Variants in LAMA3 observed in about 807,000 individuals in gnomAD.
The protein encoded by LAMA3 is laminin subunit alpha-3.
A neutral mutation model predicts 402.0 loss-of-function variants in LAMA3; 281 were observed. The observed-to-expected ratio is 0.70, with a 90% CI of 0.63 to 0.77. The LOEUF (loss-of-function observed/expected upper bound fraction) is 0.77. Among genes scored for constraint, LAMA3 ranks in the 30% least tolerant of loss-of-function variants. The probability of loss-of-function intolerance (pLI) is 0.00; values close to 1 mark genes in which losing one functional copy is unlikely to be tolerated. For synonymous variants in LAMA3, 1,431 were observed against 1,558.4 expected (o/e 0.92, Z 1.93); for missense variants, 3,840 against 4,215.5 (o/e 0.91, Z 2.47).
intron 40 of LAMA3, among the ~76,000 whole-genome samples, chr18:23,882,472 A>G (rs993401609): frequency 6.6e-6 from 1 of 152,066 alleles, no homozygotes; most frequent in African/African-American, 2.4e-5. Flanking sequence ...TCTACTGAAA[A>G]TGCAAAAATT....
At chr18:23,784,303 G>T in intron 12 of LAMA3, 146 bp downstream of exon 12, 1 of 949,852 alleles carries the variant, frequency 1.1e-6, no homozygotes, top group Admixed American at 1.9e-5. Flanking sequence ...ACATGTGATG[G>T]TCCTACCTGG....
At chr18:23,692,494 A>G (rs976746754) in intron 1 of LAMA3, among the ~76,000 whole-genome samples, 19 of 152,152 alleles carry the variant, frequency 1.2e-4, no homozygotes, top group Admixed American at 1.1e-3. Flanking sequence ...CTGGTCTCGA[A>G]CTACTGACTT....
chr18:23,760,255 T>C (rs1446148386), intron 7 of LAMA3, among the ~76,000 whole-genome samples: 4 of 152,176 alleles, frequency 2.6e-5, no homozygotes, highest in African/African-American at 9.7e-5. Flanking sequence ...CAGGATCCAT[T>C]TATTAGGTGC....
At chr18:23,715,577 T>C (rs772841682) in intron 2 of LAMA3, among the ~76,000 whole-genome samples, 31 of 152,178 alleles carry the variant, frequency 2.0e-4, no homozygotes, top group Non-Finnish European at 4.1e-4. Flanking sequence ...AGGAGAATCA[T>C]TGAAAAGCCA....
chr18:23,692,105 A>G (rs2060599913), intron 1 of LAMA3, among the ~76,000 whole-genome samples: 1 of 152,228 alleles, frequency 6.6e-6, no homozygotes, highest in African/African-American at 2.4e-5. Context: ...AAGTGACTGT[A>G]CACGTCTTTT....
rs1234645181 is a variant in LAMA3, at chr18:23,933,789, C to T, written c.8716C>T (p.Leu2906=). 3.7e-6 allele frequency: 6 copies of T among 1,614,026 alleles called. No homozygotes were observed. The highest frequency in any genetic ancestry group is 5.1e-6 in the Non-Finnish European group (6 of 1,180,008). The change falls in exon 67 of 75, where the codon CTG becomes TTG. Residue 2906 remains leucine, a synonymous_variant. Transcript: ENST00000313654. ...ISNVFVQRLS[L]SPEVLDLTSN... is the part of the protein sequence containing the mutation. Reference sequence around the variant, plus strand: ...TTTCTGCTCTTTTTCCAGGTTATCACTGAGTCCTGAAGTCCTAGATTTGAC... The same window carrying T: ...TTTCTGCTCTTTTTCCAGGTTATCATTGAGTCCTGAAGTCCTAGATTTGAC...
intron 29 of LAMA3, among the ~76,000 whole-genome samples, chr18:23,843,760 T>C (rs548925992): frequency 6.6e-6 from 1 of 152,316 alleles, no homozygotes; most frequent in South Asian, 2.1e-4. Context: ...CTAATTCATC[T>C]TTTATCTTTC....
intron 7 of LAMA3, among the ~76,000 whole-genome samples, chr18:23,762,628 G>T (rs901782734): frequency 6.6e-6 from 1 of 151,770 alleles, no homozygotes; most frequent in Non-Finnish European, 1.5e-5. Context: ...GAGGATAGCT[G>T]CCCCGACACA....
At chr18:23,944,184 G>A (rs1380966371) in intron 69 of LAMA3, among the ~76,000 whole-genome samples, 1 of 152,146 alleles carries the variant, frequency 6.6e-6, no homozygotes, top group Admixed American at 6.5e-5. Context: ...GTCAAGATGG[G>A]CTTTACTGAT....
intron 50 of LAMA3, among the ~76,000 whole-genome samples, chr18:23,904,332 T>C (rs2081170355): frequency 6.6e-6 from 1 of 151,560 alleles, no homozygotes; most frequent in Admixed American, 6.6e-5. Context: ...ACTTACCAAA[T>C]GAAATGCGAA....
intron 35 of LAMA3, 140 bp downstream of exon 35, chr18:23,861,947 A>G: frequency 2.1e-6 from 2 of 958,784 alleles, no homozygotes; most frequent in Non-Finnish European, 1.5e-6. Flanking sequence ...ACTAAAAGTG[A>G]GGAAGAGACC....
At chr18:23,806,282 A>G (rs901455256) in intron 12 of LAMA3, among the ~76,000 whole-genome samples, 3 of 152,216 alleles carry the variant, frequency 2.0e-5, no homozygotes, top group African/African-American at 7.2e-5. Context: ...CTATTCTCAC[A>G]GATATTCCTC....
Position 23,907,832 on chromosome 18 carries a change from T to C in LAMA3, c.6912T>C (p.Asp2304=). ...KANDITDEVL[D]GLNPIQTDVE... is the part of the protein sequence containing the mutation. ...ACGACATCACAGATGAGGTTCTGGA[T>C]GGGCTCAACCCCATCCAGACAGATG... is the stretch of plus-strand genomic sequence containing the variant. Residue 2304 remains aspartate (D), a synonymous_variant, in exon 54 of 75, where the codon GAT becomes GAC. Transcript: ENST00000313654. The C allele has an allele frequency of 3.1e-6, 5 of 1,614,190 alleles. No individual in the cohort carries two copies. The highest frequency in any genetic ancestry group is 4.2e-6 in the Non-Finnish European group (5 of 1,180,022).
chr18:23,742,277 G>C (rs768424535), intron 2 of LAMA3, among the ~76,000 whole-genome samples: 37 of 152,206 alleles, frequency 2.4e-4, no homozygotes, highest in Non-Finnish European at 4.4e-4. Context: ...TGTTCAAAAT[G>C]TCAGTGTCAG....
intron 42 of LAMA3, among the ~76,000 whole-genome samples, chr18:23,890,623 G>A (rs909471387): frequency 5.9e-5 from 9 of 152,086 alleles, no homozygotes; most frequent in African/African-American, 2.2e-4. Flanking sequence ...GAGCAACTTG[G>A]AACAAAAAGG....
At chr18:23,856,566 C>T (rs969392026) in intron 32 of LAMA3, among the ~76,000 whole-genome samples, 4 of 152,144 alleles carry the variant, frequency 2.6e-5, no homozygotes, top group African/African-American at 9.7e-5. Flanking sequence ...CAGCCATAGC[C>T]CACTGCTTTT....
At chr18:23,838,560 T>C (rs2063632021) in intron 25 of LAMA3, among the ~76,000 whole-genome samples, 1 of 152,362 alleles carries the variant, frequency 6.6e-6, no homozygotes, top group African/African-American at 2.4e-5. Context: ...ATTTCAGCAG[T>C]AATTCAGTCA....
chr18:23,713,747 C>A (rs939474490), intron 1 of LAMA3, among the ~76,000 whole-genome samples, 173 bp from the exon 2 acceptor site: 2 of 152,080 alleles, frequency 1.3e-5, no homozygotes, highest in Non-Finnish European at 2.9e-5. Context: ...AAAGAGAAAG[C>A]CTTACTACTG....
intron 42 of LAMA3, among the ~76,000 whole-genome samples, chr18:23,890,537 G>C (rs2080623940): frequency 6.6e-6 from 1 of 152,112 alleles, no homozygotes; most frequent in Non-Finnish European, 1.5e-5. Flanking sequence ...CATGTTCTGG[G>C]ATGTGGGTGG....
Sources: gnomAD v4.1 joint callset for allele counts (sites outside exome capture counted in the v4.1 genomes callset) on GRCh38, gnomAD v4.1.1 for gene constraint, MANE v1.5 for transcripts, NCBI Gene and HGNC (gene_info 2026-07-23, HGNC 2026-07-21) for gene names.